Variants in MAN1B1 observed in about 807,000 individuals in gnomAD.
The protein encoded by MAN1B1 is endoplasmic reticulum mannosyl-oligosaccharide 1,2-alpha-mannosidase.
Under a neutral mutation model 75.5 loss-of-function variants are expected in MAN1B1, and 66 were observed. The ratio of observed to expected loss-of-function variants is 0.87; its 90% CI spans 0.72 to 1.07. The LOEUF is 1.07. Among genes scored for constraint, MAN1B1 ranks in the 50% least tolerant of loss-of-function variants. MAN1B1 has a pLI of 0.00. For missense variants in MAN1B1, 973 were observed against 912.5 expected, an observed-to-expected ratio of 1.07 and a Z score of -0.85; for synonymous variants, 453 against 382.8, an observed-to-expected ratio of 1.18 and a Z score of -2.14.
At chr9:137,096,216 G>A (rs200925650) in intron 3 of MAN1B1, 21 bp from the exon 4 acceptor site, 35 of 1,614,108 alleles carry the variant, frequency 2.2e-5, no homozygotes, top group Non-Finnish European at 3.0e-5. Context: ...GTGATTTCCT[G>A]TGTGACCAAT....
chr9:137,107,630 G>A lies in MAN1B1; in HGVS notation c.1864G>A (p.Glu622Lys), dbSNP rs1029270566. 14 of 1,610,396 alleles carry A rather than the reference G, an allele frequency of 8.7e-6. No individual in the cohort carries two copies. The highest frequency in any genetic ancestry group is 1.2e-5 in the Non-Finnish European group (14 of 1,179,972). ...CCGCAAATACCAGGACTGGGGCTGG[G>A]AGATTCTGCAGAGCTTCAGCCGATT... ...GDRKYQDWGW[E>K]ILQSFSRFTR... Residue 622 changes from glutamate (E) to lysine (K), a missense_variant, in exon 12 of 13, where the codon GAG becomes AAG. Coordinates refer to ENST00000371589, the MANE Select transcript of MAN1B1 (RefSeq NM_016219.5).
At chr9:137,101,302 G>A (rs1588605484) in intron 7 of MAN1B1, 149 bp downstream of exon 7, 1 of 1,198,554 alleles carries the variant, frequency 8.3e-7, no homozygotes, top group South Asian at 1.3e-5. Flanking sequence ...GTGAGCTGAT[G>A]AAGCCACTTT....
intron 4 of MAN1B1, 50 bp downstream of exon 4, chr9:137,096,441 C>T (rs1285914877): frequency 1.3e-5 from 21 of 1,599,410 alleles, no homozygotes; most frequent in East Asian, 2.3e-5. Flanking sequence ...CTTGATGTTC[C>T]GAAAAACAAG....
chr9:137,091,196 C>T (rs927782545), intron 3 of MAN1B1, among the ~76,000 whole-genome samples: 5 of 152,218 alleles, frequency 3.3e-5, no homozygotes, highest in South Asian at 4.1e-4. Flanking sequence ...TTTGGTCCTT[C>T]GTCTCCTTTG....
intron 3 of MAN1B1, among the ~76,000 whole-genome samples, chr9:137,091,436 C>T (rs998720715): frequency 6.6e-6 from 1 of 152,010 alleles, no homozygotes; most frequent in African/African-American, 2.4e-5. Flanking sequence ...CTTGTCTAGA[C>T]CTGGTTAGGG....
intron 8 of MAN1B1, chr9:137,102,347 C>A (rs1036240079): frequency 4.1e-5 from 17 of 410,102 alleles, no homozygotes; most frequent in Middle Eastern, 3.5e-4. Flanking sequence ...GCGTGCAGGT[C>A]GGTGGTGTTA....
rs779899771 is a variant in MAN1B1 at position 137,099,801 on chromosome 9, G to A, written c.836G>A (p.Arg279Lys). 1.9e-6 allele frequency: 3 copies of A among 1,614,224 alleles called. No homozygotes were observed. In the South Asian group the frequency reaches 3.3e-5, roughly 18 times the overall value. The change falls in exon 6 of 13, where the codon AGG (arginine) becomes AAG (lysine). Residue 279 changes from arginine to lysine, a missense_variant. Physicochemically the swap from Arg to Lys is conservative, Grantham distance 26. Transcript: ENST00000371589. ...CATGACGAGCTGAAGCCTGTGTCCA[G>A]GTCCTTCAGTGAGTGGTTTGGCCTC... ...WGHDELKPVSRSFSEWFGLGL... is the reference protein window; with the variant it reads ...WGHDELKPVSKSFSEWFGLGL...
chr9:137,107,036 C>G, intron 10 of MAN1B1: 1 of 746,114 alleles, frequency 1.3e-6, no homozygotes. Flanking sequence ...TCCCCGTGCC[C>G]GGTGTGTAGC....
chr9:137,099,697 G>A lies in MAN1B1; in HGVS notation c.732G>A (p.Val244=). 6.2e-7 allele frequency: 1 copy of A among 1,614,168 alleles called. No homozygotes were observed. Among genetic ancestry groups the A allele is most frequent in the South Asian group, 1.1e-5 (1 of 91,088 alleles). Residue 244 remains valine (V), a splice_region_variant and synonymous_variant, in exon 6 of 13, where the codon GTG becomes GTA. Transcript: ENST00000371589. The part of the protein sequence containing the change: ...LPPARTQGTP[V]HLNYRQKGVI... ...CCTGTGCTCTCTCCCCCCTACTAGTGCATCTGAACTATCGCCAGAAGGGCG... is the reference window on the plus strand; with the variant it reads ...CCTGTGCTCTCTCCCCCCTACTAGTACATCTGAACTATCGCCAGAAGGGCG...
Position 137,088,029 on chromosome 9 carries a change from G to A in MAN1B1, c.220-46G>A, listed in dbSNP as rs778173204. 1.5e-5 allele frequency: 21 copies of A among 1,396,110 alleles called. No individual in the cohort carries two copies. The Admixed American group carries it at 2.3e-4, about 16-fold the overall frequency. 86.5% of individuals were successfully genotyped at this position (1,396,110 alleles called of 1,614,324 possible). On this transcript the variant is annotated intron_variant, in intron 1 of 12. Coordinates refer to ENST00000371589, the MANE Select transcript of MAN1B1 (RefSeq NM_016219.5). ...CAGTTTGTGACAGTTGAGACGTTCC[G>A]TGTGATATATTCAGTAAGAAATGTC...
chr9:137,107,435 C>T lies in MAN1B1; in HGVS notation c.1752C>T (p.Asp584=), dbSNP rs373133392. 1.9e-5 allele frequency: 30 copies of T among 1,613,256 alleles called. No individual in the cohort carries two copies. Among genetic ancestry groups the T allele is most frequent in the South Asian group, 4.4e-5 (4 of 91,086 alleles). Residue 584 remains aspartate, a synonymous_variant, in exon 11 of 13, where the codon GAC becomes GAT. Coordinates refer to ENST00000371589, the MANE Select transcript of MAN1B1 (RefSeq NM_016219.5). ...TTTACCCCCAGCCGGGCCGTCGGGA[C>T]GTGGAGGTCAAGGTGGGCCTGGGCC... ...FNLYPQPGRR[D]VEVKPADRHN... is the part of the protein sequence containing the mutation.
At chr9:137,093,989 A>G (rs921257509) in intron 3 of MAN1B1, among the ~76,000 whole-genome samples, 2 of 151,826 alleles carry the variant, frequency 1.3e-5, no homozygotes, top group African/African-American at 4.8e-5. Flanking sequence ...CTACAAGATC[A>G]TAAAACTGTG....
Position 137,106,112 on chromosome 9 carries a change from C to G in MAN1B1, c.1255-13C>G, listed in dbSNP as rs765403325. 6.8e-6 allele frequency: 11 copies of G among 1,611,360 alleles called. No individual in the cohort carries two copies. The highest frequency in any genetic ancestry group is 9.3e-6 in the Non-Finnish European group (11 of 1,178,700). On this transcript the variant is annotated splice_polypyrimidine_tract_variant and intron_variant, in intron 8 of 12. Transcript: ENST00000371589. Reference sequence around the variant, plus strand: ...CCTGGCCAGTAAACCCACCATCCCCCTTTCTGCCGCAGGAGGCAGTGGAGA... The same window carrying G: ...CCTGGCCAGTAAACCCACCATCCCCGTTTCTGCCGCAGGAGGCAGTGGAGA...
chr9:137,096,195 G>C, intron 3 of MAN1B1, 42 bp from the exon 4 acceptor site: 1 of 1,612,224 alleles, frequency 6.2e-7, no homozygotes, highest in Non-Finnish European at 8.5e-7. Context: ...AGGGCAGCTC[G>C]CAGACACCCC....
At chr9:137,091,431 C>T (rs909679620) in intron 3 of MAN1B1, among the ~76,000 whole-genome samples, 1 of 151,692 alleles carries the variant, frequency 6.6e-6, no homozygotes. Context: ...TGGCACTTGT[C>T]TAGACCTGGT....
intron 5 of MAN1B1, among the ~76,000 whole-genome samples, chr9:137,098,696 C>T (rs185929839): frequency 2.9e-4 from 44 of 152,276 alleles, no homozygotes; most frequent in African/African-American, 9.1e-4. Context: ...CCGTTACACA[C>T]GTGTCAATCC....
At chr9:137,102,051 A>ACATC (rs377486266) in intron 8 of MAN1B1, 1 of 318,632 alleles carries the variant, frequency 3.1e-6, no homozygotes, top group Non-Finnish European at 6.0e-6. Flanking sequence ...GCTGTTACAC[A>ACATC]CATGCTGTTG....
At position 137,106,809 on chromosome 9, in the gene MAN1B1, GGTGAGTGT is replaced by G. The variant is rs1831127048; in HGVS notation, c.1566+3_1566+10del. On this transcript the variant is annotated splice_donor_variant and splice_donor_5th_base_variant and intron_variant, in intron 10 of 12. Coordinates refer to ENST00000371589, the MANE Select transcript of MAN1B1 (RefSeq NM_016219.5). LOFTEE classifies it high-confidence loss of function. ...CCCACGGCCGCTTCAGTGCCAAGAT[GGTGAGTGT>G]GTCTGCGGGGCCTTCCGGCCGCCGC... 3 of 1,613,126 alleles carry G rather than the reference GGTGAGTGT, an allele frequency of 1.9e-6. No homozygotes were observed. The South Asian group carries it at 3.3e-5, about 18-fold the overall frequency.
intron 9 of MAN1B1, 26 bp downstream of exon 9, chr9:137,106,341 C>G: frequency 3.9e-6 from 6 of 1,539,206 alleles, no homozygotes; most frequent in Non-Finnish European, 4.4e-6. Context: ...CTGCCCCCAG[C>G]TCCCGCGGCT....
Sources: allele counts gnomAD v4.1 joint callset (sites outside exome capture counted in the v4.1 genomes callset), GRCh38; gene constraint gnomAD v4.1.1; transcripts MANE v1.5; gene names NCBI Gene and HGNC (gene_info 2026-07-23, HGNC 2026-07-21).